RSPO4: variants seen among roughly 807,000 people sequenced by gnomAD.
RSPO4 encodes R-spondin-4.
Under a neutral mutation model 24.8 loss-of-function variants are expected in RSPO4, and 23 were observed. That is an observed-to-expected ratio of 0.93 (90% CI 0.67 to 1.31). The LOEUF (loss-of-function observed/expected upper bound fraction) is 1.31, where lower values mean the gene tolerates loss of function less well. Ranked by LOEUF, RSPO4 falls within the 40% of genes most tolerant of loss-of-function variation. The pLI is 0.00. For missense variants in RSPO4, 333 were observed against 316.5 expected (o/e 1.05, Z -0.39); for synonymous variants, 141 against 127.4 (o/e 1.11, Z -0.72).
Position 963,930 on chromosome 20 carries a change from C to T in RSPO4, c.595+5G>A, listed in dbSNP as rs1332436645. 2 of 1,613,542 alleles carry T rather than the reference C, an allele frequency of 1.2e-6. No individual in the cohort carries two copies. The highest frequency in any genetic ancestry group is 1.7e-6 in the Non-Finnish European group (2 of 1,179,994). ...GCAGCCTCGTGTGCCTGTCCTGGGGCTCACCTCCTGGGCAGGGCCTCTGGA... is the reference window on the plus strand; with the variant it reads ...GCAGCCTCGTGTGCCTGTCCTGGGGTTCACCTCCTGGGCAGGGCCTCTGGA... On this transcript the variant is annotated splice_donor_5th_base_variant and intron_variant, in intron 4 of 4. Transcript: ENST00000217260.
intron 4 of RSPO4, among the ~76,000 whole-genome samples, chr20:963,163 G>A (rs1398529281): frequency 6.6e-6 from 1 of 152,154 alleles, no homozygotes; most frequent in South Asian, 2.1e-4. Flanking sequence ...TTCAGTGGAC[G>A]GCAATCGGGA....
chr20:983,449 G>A (rs1984805610), intron 1 of RSPO4, among the ~76,000 whole-genome samples: 2 of 152,222 alleles, frequency 1.3e-5, no homozygotes, highest in Admixed American at 6.5e-5. Context: ...CAGGATGGGG[G>A]TGAGGGTGAG....
intron 3 of RSPO4, among the ~76,000 whole-genome samples, chr20:966,427 G>A (rs549409265): frequency 6.6e-6 from 1 of 151,996 alleles, no homozygotes; most frequent in East Asian, 1.9e-4. Flanking sequence ...TCCTCCCCAT[G>A]AGGTAGGCTC....
Position 967,970 on chromosome 20 carries a change from T to C in RSPO4, c.248A>G (p.Gln83Arg). 5.6e-6 allele frequency: 9 copies of C among 1,614,230 alleles called. No homozygotes were observed. Among genetic ancestry groups the C allele is most frequent in the Non-Finnish European group, 5.1e-6 (6 of 1,180,038 alleles). ...CGTACTTTTGCACCTGTTGACCTCC[T>C]GGCCGCGGATGCCGAAGTACCCAGG... ...CPPGYFGIRG[Q>R]EVNRCKKCGA... The change falls in exon 2 of 5, where the codon CAG becomes CGG. Residue 83 changes from glutamine (Q) to arginine (R), a missense_variant. Coordinates refer to ENST00000217260, the MANE Select transcript of RSPO4 (RefSeq NM_001029871.4).
intron 3 of RSPO4, among the ~76,000 whole-genome samples, chr20:964,709 CATAT>C (rs537350471): frequency 6.8e-6 from 1 of 146,520 alleles, no homozygotes; most frequent in East Asian, 2.0e-4. Flanking sequence ...CACACACACA[CATAT>C]ATATATACAC....
Position 959,114 on chromosome 20 carries a change from G to T in RSPO4, c.*1243C>A. The T allele has an allele frequency of 6.8e-6, 1 of 146,326 alleles. No individual in the cohort carries two copies. Among genetic ancestry groups the T allele is most frequent in the South Asian group, 2.1e-4 (1 of 4,808 alleles). The allele number at this position is 146,326 out of a possible 1,614,324, so 9.1% of individuals were successfully genotyped here. A position where few individuals can be genotyped will look rare whatever the true frequency, so the allele number is the denominator to read the frequency against. On this transcript the variant is annotated 3_prime_UTR_variant, in exon 5 of 5. Transcript: ENST00000217260. ...GGTGGTGGGTGTGGGGGAGTGTGGTGGTGGGTGTGGGGCAGTGTGGTGGTG... is the reference window on the plus strand; with the variant it reads ...GGTGGTGGGTGTGGGGGAGTGTGGTTGTGGGTGTGGGGCAGTGTGGTGGTG...
chr20:973,058 C>G (rs1014554640), intron 1 of RSPO4, among the ~76,000 whole-genome samples: 2 of 152,224 alleles, frequency 1.3e-5, no homozygotes, highest in African/African-American at 4.8e-5. Flanking sequence ...AACGACATGT[C>G]CAGGGTCACA....
At chr20:996,577 G>A (rs1985298748) in intron 1 of RSPO4, among the ~76,000 whole-genome samples, 1 of 152,094 alleles carries the variant, frequency 6.6e-6, no homozygotes, top group African/African-American at 2.4e-5. Flanking sequence ...TAGGCTTTTT[G>A]CACCACATAC....
chr20:982,014 G>A (rs1251660786), intron 1 of RSPO4, among the ~76,000 whole-genome samples: 1 of 152,170 alleles, frequency 6.6e-6, no homozygotes, highest in Non-Finnish European at 1.5e-5. Flanking sequence ...TCTGGTGGGA[G>A]CCCTGGGGGT....
chr20:979,859 C>A (rs972148497), intron 1 of RSPO4, among the ~76,000 whole-genome samples: 1 of 152,154 alleles, frequency 6.6e-6, no homozygotes, highest in African/African-American at 2.4e-5. Flanking sequence ...CACACCTACA[C>A]CCTATTCCTC....
intron 4 of RSPO4, among the ~76,000 whole-genome samples, chr20:961,704 G>A (rs534795907): frequency 2.4e-3 from 359 of 152,180 alleles, no homozygotes; most frequent in Middle Eastern, 0.014. Context: ...TGGGGGTGTG[G>A]GGGCCAGTGG....
At chr20:980,879 T>C (rs957125268) in intron 1 of RSPO4, among the ~76,000 whole-genome samples, 1 of 152,200 alleles carries the variant, frequency 6.6e-6, no homozygotes, top group Admixed American at 6.5e-5. Context: ...CTCAGAGATC[T>C]TCAAAAACTG....
chr20:989,505 G>A (rs894674052), intron 1 of RSPO4, among the ~76,000 whole-genome samples: 2 of 152,208 alleles, frequency 1.3e-5, no homozygotes, highest in Non-Finnish European at 2.9e-5. Flanking sequence ...CATTGTAGGT[G>A]CTCAATAAAT....
rs1337765758 is a variant in RSPO4 at position 981,034 on chromosome 20, G to A, written c.80-12896C>T. ...CTGGCCCGAGAACTCACTTTAAGAA[G>A]CGAGGCGGGAGATGCTGTTATCATT... On this transcript the variant is annotated intron_variant, in intron 1 of 4. Coordinates refer to ENST00000217260, the MANE Select transcript of RSPO4 (RefSeq NM_001029871.4). The surrounding 1 kb of genome is among the most constrained non-coding windows in gnomAD (Gnocchi z 4.6). Among the ~76,000 whole-genome samples the A allele has an allele frequency of 6.6e-6, 1 of 152,202 alleles. No homozygotes were observed. Among genetic ancestry groups the A allele is most frequent in the East Asian group, 1.9e-4 (1 of 5,192 alleles).
chr20:986,213 G>A (rs1984916291), intron 1 of RSPO4, among the ~76,000 whole-genome samples: 1 of 152,194 alleles, frequency 6.6e-6, no homozygotes, highest in Admixed American at 6.5e-5. Flanking sequence ...TGCCACACGT[G>A]GGAGAAAGGG....
intron 1 of RSPO4, among the ~76,000 whole-genome samples, chr20:979,589 C>T (rs1045580942): frequency 3.3e-5 from 5 of 152,310 alleles, no homozygotes; most frequent in African/African-American, 7.2e-5. Context: ...TCCCAGAGCA[C>T]GCAGACCTTT....
chr20:968,304 G>A (rs1395101256), intron 1 of RSPO4, among the ~76,000 whole-genome samples, 166 bp from the exon 2 acceptor site: 2 of 152,238 alleles, frequency 1.3e-5, no homozygotes, highest in Non-Finnish European at 2.9e-5. Flanking sequence ...ATGGTCATGT[G>A]ACCAACATCT....
intron 1 of RSPO4, among the ~76,000 whole-genome samples, chr20:999,077 T>C (rs6039433): frequency 0.33 from 49,330 of 151,484 alleles, 13,443 homozygotes; most frequent in African/African-American, 0.74. Flanking sequence ...CCTTGATGTC[T>C]TTCCTGGGCT....
chr20:966,162 T>C (rs1433120975), intron 3 of RSPO4, among the ~76,000 whole-genome samples: 2 of 151,954 alleles, frequency 1.3e-5, no homozygotes, highest in Non-Finnish European at 2.9e-5. Context: ...TCAGGGGCCA[T>C]CAGCAGCTGG....
Sources: allele counts gnomAD v4.1 joint callset (sites outside exome capture counted in the v4.1 genomes callset), GRCh38; gene constraint gnomAD v4.1.1; non-coding constraint Gnocchi (gnomAD v3.1); transcripts MANE v1.5; gene names NCBI Gene and HGNC (gene_info 2026-07-23, HGNC 2026-07-21).